TSHZ3: variants seen among roughly 807,000 people sequenced by gnomAD.
TSHZ3 encodes teashirt homolog 3.
TSHZ3 carries 10 observed loss-of-function variants against 64.5 expected under a neutral mutation model. The ratio of observed to expected loss-of-function variants is 0.16; its 90% CI spans 0.10 to 0.26. The LOEUF (loss-of-function observed/expected upper bound fraction) is 0.26. TSHZ3 is among the 10% of genes least tolerant of loss of function. The pLI, the probability that TSHZ3 is intolerant of heterozygous loss-of-function variation, is 1.00. For synonymous variants in TSHZ3, 608 were observed against 593.1 expected (o/e 1.03, Z -0.36); for missense variants, 1,242 against 1,421.7 (o/e 0.87, Z 2.03).
At chr19:31,312,340 A>C (rs371131221) in intron 1 of TSHZ3, among the ~76,000 whole-genome samples, 13 of 152,196 alleles carry the variant, frequency 8.5e-5, no homozygotes, top group African/African-American at 3.1e-4. Context: ...CCATGGGGCT[A>C]TATATGTTTA....
chr19:31,174,426 G>T (rs1384593565), intron 5 of TSHZ3, among the ~76,000 whole-genome samples: 1 of 152,166 alleles, frequency 6.6e-6, no homozygotes, highest in African/African-American at 2.4e-5. Flanking sequence ...CATTGTGGAG[G>T]GCCACCTGCT....
chr19:31,324,573 C>A (rs930567827), intron 1 of TSHZ3, among the ~76,000 whole-genome samples: 1 of 152,350 alleles, frequency 6.6e-6, no homozygotes, highest in East Asian at 1.9e-4. Context: ...AAGTGACTTA[C>A]CACTGGGTTT....
chr19:31,170,886 T>A (rs1974526459), intron 5 of TSHZ3, among the ~76,000 whole-genome samples: 1 of 152,230 alleles, frequency 6.6e-6, no homozygotes, highest in African/African-American at 2.4e-5. Context: ...ACTTTCAAAC[T>A]GTCTTTCAGC....
chr19:31,260,834 C>T (rs573788441), intron 1 of TSHZ3, among the ~76,000 whole-genome samples: 21 of 152,306 alleles, frequency 1.4e-4, no homozygotes, highest in African/African-American at 4.6e-4. Context: ...TGTGTTAGCA[C>T]TTAGGAAGGC....
chr19:31,269,414 A>T (rs1347523883), intron 1 of TSHZ3, among the ~76,000 whole-genome samples: 14 of 151,342 alleles, frequency 9.3e-5, no homozygotes, highest in Non-Finnish European at 1.5e-5. Flanking sequence ...TAAGAAAATG[A>T]CTCCTTCCCG....
intron 1 of TSHZ3, among the ~76,000 whole-genome samples, chr19:31,309,607 C>T (rs375434220): frequency 2.0e-5 from 3 of 152,114 alleles, no homozygotes; most frequent in Non-Finnish European, 4.4e-5. Flanking sequence ...AAACAGGCCC[C>T]GAACTAAGAA....
At chr19:31,196,857 A>G (rs1975000936) in intron 5 of TSHZ3, among the ~76,000 whole-genome samples, 1 of 152,000 alleles carries the variant, frequency 6.6e-6, no homozygotes, top group African/African-American at 2.4e-5. Context: ...ATCCAATATT[A>G]TACTTAGAGA....
intron 4 of TSHZ3, among the ~76,000 whole-genome samples, chr19:31,215,873 A>C (rs1975320199): frequency 1.3e-5 from 2 of 152,128 alleles, no homozygotes; most frequent in African/African-American, 4.8e-5. Flanking sequence ...TCTGTCTCAA[A>C]AAAAAAGGTA....
intron 1 of TSHZ3, among the ~76,000 whole-genome samples, chr19:31,334,220 A>T (rs1917176646): frequency 1.3e-5 from 2 of 152,212 alleles, no homozygotes; most frequent in Non-Finnish European, 2.9e-5. Flanking sequence ...AGCAAGAGAA[A>T]ATAACACCAC....
chr19:31,153,362 AAATT>A (rs1300846472), intron 6 of TSHZ3, among the ~76,000 whole-genome samples: 2 of 152,356 alleles, frequency 1.3e-5, no homozygotes, highest in East Asian at 3.9e-4. Flanking sequence ...ACTATGTGTA[AAATT>A]AATTCCCTCT....
rs768993206 is a variant in TSHZ3, at chr19:31,277,280, G to A, written c.2513C>T (p.Pro838Leu). ...ATCTGACAAGGCATTCTCGCGTAGC[G>A]GCGAGTTTGACATGAATGATACGAC... is the stretch of plus-strand genomic sequence containing the variant. Reference protein sequence around the residue: ...SAVVSFMSNSPLRENALSDIS... With the variant: ...SAVVSFMSNSLLRENALSDIS... The change falls in exon 2 of 2, where the codon CCG becomes CTG. Residue 838 changes from proline to leucine, a missense_variant. Pro to Leu is a moderately conservative substitution (Grantham distance 98, BLOSUM62 -3). Transcript: ENST00000240587. The surrounding 1 kb of genome is among the most constrained non-coding windows in gnomAD (Gnocchi z 4.5). 6.8e-6 allele frequency: 11 copies of A among 1,613,880 alleles called. No homozygotes were observed. The highest frequency in any genetic ancestry group is 5.3e-5 in the African/African-American group (4 of 74,934).
intron 1 of TSHZ3, among the ~76,000 whole-genome samples, chr19:31,285,960 A>C (rs889359135): frequency 2.0e-5 from 3 of 151,996 alleles, no homozygotes; most frequent in African/African-American, 7.2e-5. Context: ...ATTCAAACCA[A>C]ACCAACAGCT....
chr19:31,349,498 G>A, upstream of TSHZ3: 1 of 365,202 alleles, frequency 2.7e-6, no homozygotes, highest in Non-Finnish European at 4.8e-6. Context: ...GGCAGAGGAG[G>A]AGGAGGTGGA....
At chr19:31,184,194 A>G (rs1430884217) in intron 5 of TSHZ3, among the ~76,000 whole-genome samples, 4 of 152,148 alleles carry the variant, frequency 2.6e-5, no homozygotes, top group Non-Finnish European at 5.9e-5. Flanking sequence ...ATCTGTTAAG[A>G]CGGGATCTTA....
intron 1 of TSHZ3, among the ~76,000 whole-genome samples, chr19:31,329,265 C>T (rs1244946742): frequency 6.6e-6 from 1 of 152,222 alleles, no homozygotes; most frequent in East Asian, 1.9e-4. Flanking sequence ...GTCACCCAAG[C>T]TCCGAGCAAG....
intron 1 of TSHZ3, among the ~76,000 whole-genome samples, chr19:31,306,179 G>A (rs1916285503): frequency 6.6e-6 from 1 of 152,184 alleles, no homozygotes; most frequent in Non-Finnish European, 1.5e-5. Context: ...GGGTGGCCTT[G>A]CATATGCAGC....
At chr19:31,272,352 C>T (rs978791804), downstream of TSHZ3, among the ~76,000 whole-genome samples, 6 of 152,158 alleles carry the variant, frequency 3.9e-5, no homozygotes, top group African/African-American at 1.4e-4. Flanking sequence ...AGGAAGGAAC[C>T]ACAGAGACTG....
intron 1 of TSHZ3, among the ~76,000 whole-genome samples, chr19:31,297,242 C>A (rs994733713): frequency 1.3e-5 from 2 of 152,190 alleles, no homozygotes; most frequent in African/African-American, 4.8e-5. Flanking sequence ...ATCCCTCCTG[C>A]GGATCACGTC....
At chr19:31,237,963 T>C (rs886557618) in intron 3 of TSHZ3, among the ~76,000 whole-genome samples, 1 of 152,332 alleles carries the variant, frequency 6.6e-6, no homozygotes, top group Middle Eastern at 3.4e-3. Flanking sequence ...AAAACAACTC[T>C]ATCTGACTGC....
Sources: gnomAD v4.1 joint callset for allele counts (sites outside exome capture counted in the v4.1 genomes callset) on GRCh38, gnomAD v4.1.1 for gene constraint, Gnocchi (gnomAD v3.1) non-coding constraint, MANE v1.5 for transcripts, NCBI Gene and HGNC (gene_info 2026-07-23, HGNC 2026-07-21) for gene names.